The following CELF3 variants were observed in gnomAD, a reference collection of about 807,000 sequenced individuals.
The protein encoded by CELF3 is CUGBP Elav-like family member 3, also known as CAG repeat domain.
A neutral mutation model predicts 59.6 loss-of-function variants in CELF3; 26 were observed. The observed-to-expected ratio is 0.44, with a 90% CI of 0.32 to 0.61. CELF3 has a LOEUF of 0.61. Ranked by LOEUF, CELF3 falls within the 20% of genes least tolerant of loss-of-function variation. The probability of loss-of-function intolerance (pLI) is 0.06; values close to 1 mark genes in which losing one functional copy is unlikely to be tolerated. For missense variants in CELF3, 387 were observed against 627.2 expected (o/e 0.62, Z 4.09); for synonymous variants, 245 against 250.7 (o/e 0.98, Z 0.22).
chr1:151,706,817 G>T, intron 8 of CELF3, 83 bp from the exon 9 acceptor site: 1 of 1,125,848 alleles, frequency 8.9e-7, no homozygotes, highest in Non-Finnish European at 1.2e-6. Flanking sequence ...CTGGGCCGAG[G>T]CCAGGCAGGT....
intron 1 of CELF3, 94 bp downstream of exon 1, chr1:151,715,782 G>A: frequency 1.3e-6 from 2 of 1,592,572 alleles, no homozygotes; most frequent in South Asian, 2.3e-5. Context: ...TTCCACATCA[G>A]CCCTTCCCAG....
chr1:151,704,886 C>T, intron 12 of CELF3, 145 bp downstream of exon 12: 3 of 791,862 alleles, frequency 3.8e-6, no homozygotes, highest in Non-Finnish European at 3.9e-6. Context: ...CTGCCCCAGC[C>T]CCCTGCTTCA....
Position 151,705,334 on chromosome 1 carries a change from T to G in CELF3, c.1271-166A>C, listed in dbSNP as rs926036835. 6.6e-6 allele frequency among the ~76,000 whole-genome samples: 1 copy of G among 152,344 alleles called. No individual in the cohort carries two copies. The highest frequency in any genetic ancestry group is 3.4e-3 in the Middle Eastern group (1 of 294). On this transcript the variant is annotated intron_variant, in intron 11 of 12. Transcript: ENST00000290583. The surrounding 1 kb of genome is among the most constrained non-coding windows in gnomAD (Gnocchi z 5.1). ...TTTGTTGATTGATGGGTTGAATGGA[T>G]GAATCCAGTCCAGCCACTCCAACTA... is the stretch of plus-strand genomic sequence containing the variant.
At chr1:151,703,497 C>G in intron 12 of CELF3, 49 bp from the exon 13 acceptor site, 1 of 299,434 alleles carries the variant, frequency 3.3e-6, no homozygotes, top group Non-Finnish European at 6.8e-6. Flanking sequence ...ACCCCCGATG[C>G]GGATCACGGG....
At position 151,702,596 on chromosome 1, in the gene CELF3, C is replaced by T. The variant is rs926216842; in HGVS notation, c.*863G>A. 1.3e-5 allele frequency: 2 copies of T among 150,344 alleles called. No homozygotes were observed. The highest frequency in any genetic ancestry group is 4.9e-5 in the African/African-American group (2 of 40,642). 9.3% of individuals were successfully genotyped at this position (150,344 alleles called of 1,614,324 possible). On this transcript the variant is annotated 3_prime_UTR_variant, in exon 13 of 13. Transcript: ENST00000290583. ...AAGAAAATGATCAGGTAATAAACCC[C>T]TTGACCCCTCCCCACACCCCTCCTC... is the stretch of plus-strand genomic sequence containing the variant.
chr1:151,702,239 A>G lies in CELF3; in HGVS notation c.*1220T>C, dbSNP rs1281078728. Among the ~76,000 whole-genome samples the G allele has an allele frequency of 6.6e-6, 1 of 152,206 alleles. No individual in the cohort carries two copies. Among genetic ancestry groups the G allele is most frequent in the Non-Finnish European group, 1.5e-5 (1 of 68,026 alleles). ...AAGCCCCAAAGAAGGGCTGAAGGAC[A>G]GGATCATGAAGCCATGAACAAGGCC... On this transcript the variant is annotated 3_prime_UTR_variant, in exon 13 of 13. Transcript: ENST00000290583.
chr1:151,708,854 C>G (rs1005204059), intron 5 of CELF3, 144 bp downstream of exon 5: 1 of 708,762 alleles, frequency 1.4e-6, no homozygotes, highest in African/African-American at 1.8e-5. Context: ...GAGGGTGTCC[C>G]TAAGCAGTTT....
At chr1:151,706,771 G>C in intron 8 of CELF3, 37 bp from the exon 9 acceptor site, 14 of 1,479,806 alleles carry the variant, frequency 9.5e-6, no homozygotes, top group Non-Finnish European at 1.3e-5. Context: ...CGTGGACCTG[G>C]CACACAGTGG....
intron 12 of CELF3, 121 bp from the exon 13 acceptor site, chr1:151,703,569 A>G (rs1672248945): frequency 1.3e-5 from 4 of 312,606 alleles, no homozygotes; most frequent in Non-Finnish European, 1.9e-5. Context: ...TGCCTGAGGA[A>G]GGCAGATCAT....
chr1:151,714,104 C>A (rs1412990131), intron 2 of CELF3, among the ~76,000 whole-genome samples: 1 of 152,182 alleles, frequency 6.6e-6, no homozygotes, highest in Non-Finnish European at 1.5e-5. Context: ...TCCTGGGAGA[C>A]AGAAGGGAGA....
chr1:151,701,099 C>T lies in CELF3; in HGVS notation c.*2360G>A, dbSNP rs771577391. The T allele has an allele frequency of 2.0e-5, 3 of 152,148 alleles. No individual in the cohort carries two copies. The highest frequency in any genetic ancestry group is 4.4e-5 in the Non-Finnish European group (3 of 68,028). The allele number at this position is 152,148 out of a possible 1,614,324, so 9.4% of individuals were successfully genotyped here. ...ATGGAGACAGATGAGAGCAATGTGA[C>T]GTGGACAGTGTTGATGGCTGTGGAG... On this transcript the variant is annotated 3_prime_UTR_variant, in exon 13 of 13. Transcript: ENST00000290583.
chr1:151,715,310 C>T lies in CELF3; in HGVS notation c.145+566G>A, dbSNP rs991473294. On this transcript the variant is annotated intron_variant, in intron 1 of 12. Transcript: ENST00000290583. ...GGCCTGAGGAGCACCCTCCCTTCTC[C>T]CCCACTCTCTTAACTTTCTAAGCCT... Among the ~76,000 whole-genome samples, 3 of 152,096 alleles carry T rather than the reference C, an allele frequency of 2.0e-5. No homozygotes were observed. The East Asian group carries it at 5.8e-4, about 29-fold the overall frequency.
rs908594312 is a variant in CELF3 at position 151,709,419 on chromosome 1, C to T, written c.278-71G>A. On this transcript the variant is annotated intron_variant, in intron 3 of 12. Coordinates refer to ENST00000290583, the MANE Select transcript of CELF3 (RefSeq NM_007185.7). The surrounding 1 kb of genome is among the most constrained non-coding windows in gnomAD (Gnocchi z 4.9). ...CTGCCTTCCCAGCCCTTCTTCCGCCCTTCCCTGGAGCTCCTAACACTACTT... is the reference window on the plus strand; with the variant it reads ...CTGCCTTCCCAGCCCTTCTTCCGCCTTTCCCTGGAGCTCCTAACACTACTT... 6.2e-7 allele frequency: 1 copy of T among 1,602,154 alleles called. No individual in the cohort carries two copies. The highest frequency in any genetic ancestry group is 1.3e-5 in the African/African-American group (1 of 74,716).
chr1:151,707,539 C>T lies in CELF3; in HGVS notation c.740G>A (p.Gly247Asp). 6.2e-7 allele frequency: 1 copy of T among 1,610,636 alleles called. No individual in the cohort carries two copies. The highest frequency in any genetic ancestry group is 8.5e-7 in the Non-Finnish European group (1 of 1,179,822). ...TGGGGTGATGGGGGTGGCGATGAGG[C>T]CATTGGCATTGATGGCAGCCATGTG... ...MQHMAAINAN[G>D]LIATPITPSS... The change falls in exon 7 of 13, where the codon GGC (glycine) becomes GAC (aspartate). Residue 247 changes from glycine to aspartate, a missense_variant. Transcript: ENST00000290583.
At chr1:151,710,675 C>T (rs1198762011) in intron 2 of CELF3, 1 of 456,388 alleles carries the variant, frequency 2.2e-6, no homozygotes, top group South Asian at 1.5e-5. Context: ...AGTTGCTGTC[C>T]CGTGCTCCTT....
In CELF3 at chr1:151,709,623, G is replaced by T; in HGVS notation, c.277+120C>A. The T allele has an allele frequency of 8.9e-7, 1 of 1,129,314 alleles. No homozygotes were observed. Among genetic ancestry groups the T allele is most frequent in the Non-Finnish European group, 1.3e-6 (1 of 746,172 alleles). The allele number at this position is 1,129,314 out of a possible 1,614,324, so 70.0% of individuals were successfully genotyped here. A position where few individuals can be genotyped will look rare whatever the true frequency, so the allele number is the denominator to read the frequency against. ...CCACACTGACTCCTATCTCACCGCA[G>T]CTGGGAACTCTTCAGAATCATCAGG... On this transcript the variant is annotated intron_variant, in intron 3 of 12. Coordinates refer to ENST00000290583, the MANE Select transcript of CELF3 (RefSeq NM_007185.7). The surrounding 1 kb of genome is among the most constrained non-coding windows in gnomAD (Gnocchi z 4.9).
At chr1:151,704,712 A>G (rs796186200) in intron 12 of CELF3, among the ~76,000 whole-genome samples, 5 of 152,294 alleles carry the variant, frequency 3.3e-5, no homozygotes, top group Admixed American at 2.6e-4. Context: ...ACACACAGAC[A>G]TGGACACTGA....
At chr1:151,706,460 C>T in intron 9 of CELF3, 99 bp from the exon 10 acceptor site, 3 of 1,323,630 alleles carry the variant, frequency 2.3e-6, no homozygotes, top group African/African-American at 1.5e-5. Context: ...GCCAGTGGCA[C>T]CTGCAGGGCT....
intron 2 of CELF3, 113 bp downstream of exon 2, chr1:151,714,481 T>A: frequency 1.3e-6 from 1 of 777,176 alleles, no homozygotes; most frequent in African/African-American, 1.7e-5. Context: ...AGAGGGGGAC[T>A]TCCTGGTGAT....
Sources: gnomAD v4.1 joint callset for allele counts (sites outside exome capture counted in the v4.1 genomes callset) on GRCh38, gnomAD v4.1.1 for gene constraint, Gnocchi (gnomAD v3.1) non-coding constraint, MANE v1.5 for transcripts, NCBI Gene and HGNC (gene_info 2026-07-23, HGNC 2026-07-21) for gene names.